The following KLF7 variants were observed in gnomAD, a reference collection of about 807,000 sequenced individuals.
KLF7 encodes the protein Krueppel-like factor 7.
In KLF7, 2 loss-of-function variants were observed where a neutral mutation model predicts 27.3. That is an observed-to-expected ratio of 0.07 (90% CI 0.03 to 0.23). The LOEUF (loss-of-function observed/expected upper bound fraction) is 0.23. Among genes scored for constraint, KLF7 ranks in the 10% least tolerant of loss-of-function variants. The pLI is 1.00. For missense variants in KLF7, 221 were observed against 394.1 expected (o/e 0.56, Z 3.72); for synonymous variants, 165 against 162.4 (o/e 1.02, Z -0.12).
At chr2:207,124,789 T>C (rs1454116275) in intron 1 of KLF7, among the ~76,000 whole-genome samples, 3 of 152,192 alleles carry the variant, frequency 2.0e-5, no homozygotes, top group Admixed American at 1.3e-4. Flanking sequence ...AAGGTTTTCA[T>C]ACTAAGACAA....
In KLF7 at chr2:207,081,042, G is replaced by A. The variant is rs535659917; in HGVS notation, c.*171C>T. ...GTGCATGACAGTGTGTATGTGTGTG[G>A]GTCTGTGAGTGTGTGTATATGTGTG... is the stretch of plus-strand genomic sequence containing the variant. On this transcript the variant is annotated 3_prime_UTR_variant, in exon 4 of 4. Coordinates refer to ENST00000309446, the MANE Select transcript of KLF7 (RefSeq NM_003709.4). 1.5e-6 allele frequency: 1 copy of A among 661,894 alleles called. No individual in the cohort carries two copies. Among genetic ancestry groups the A allele is most frequent in the East Asian group, 2.5e-5 (1 of 40,318 alleles). The allele number at this position is 661,894 out of a possible 1,614,324, so 41.0% of individuals were successfully genotyped here.
intron 2 of KLF7, among the ~76,000 whole-genome samples, chr2:207,119,423 A>AT (rs11411496): frequency 0.97 from 147,301 of 152,088 alleles, 71,493 homozygotes; most frequent in East Asian, 1. Context: ...AACTATTAAG[A>AT]TTTTTAAAAA....
rs993995080 is a variant in KLF7, at chr2:207,075,503, G to A, written c.*5710C>T. The A allele has an allele frequency of 3.3e-5, 5 of 152,068 alleles. No individual in the cohort carries two copies. The highest frequency in any genetic ancestry group is 1.2e-4 in the African/African-American group (5 of 41,396). The allele number at this position is 152,068 out of a possible 1,614,324, so 9.4% of individuals were successfully genotyped here. A position where few individuals can be genotyped will look rare whatever the true frequency, so the allele number is the denominator to read the frequency against. ...GAGGCGGGGAAGGAGACGGGGCTGG[G>A]AGTAGGTCTCTCCAAACACACTTGT... On this transcript the variant is annotated 3_prime_UTR_variant, in exon 4 of 4. Coordinates refer to ENST00000309446, the MANE Select transcript of KLF7 (RefSeq NM_003709.4).
chr2:207,155,376 C>T (rs1203201727), intron 1 of KLF7, among the ~76,000 whole-genome samples: 3 of 152,136 alleles, frequency 2.0e-5, no homozygotes, highest in African/African-American at 7.2e-5. Context: ...TGCTTTGCAG[C>T]CACAGTAAGA....
intron 1 of KLF7, among the ~76,000 whole-genome samples, chr2:207,141,697 G>GT (rs1321876145): frequency 6.6e-6 from 1 of 152,118 alleles, no homozygotes; most frequent in Non-Finnish European, 1.5e-5. Flanking sequence ...GTTAGAGTGC[G>GT]TGAGACAAGC....
At chr2:207,107,241 A>C (rs1191929148) in intron 2 of KLF7, among the ~76,000 whole-genome samples, 1 of 152,214 alleles carries the variant, frequency 6.6e-6, no homozygotes, top group South Asian at 2.1e-4. Context: ...ACAGCACCCC[A>C]CAGCTGCTGT....
chr2:207,131,156 G>A (rs552940649), intron 1 of KLF7, among the ~76,000 whole-genome samples: 1 of 152,312 alleles, frequency 6.6e-6, no homozygotes, highest in African/African-American at 2.4e-5. Context: ...GATCAGATCT[G>A]GATCTGAAGG....
chr2:207,159,709 C>G (rs1473332611), intron 1 of KLF7, among the ~76,000 whole-genome samples: 1 of 152,154 alleles, frequency 6.6e-6, no homozygotes, highest in African/African-American at 2.4e-5. Flanking sequence ...CCCCTGAAAT[C>G]AGAAGTCACT....
intron 1 of KLF7, among the ~76,000 whole-genome samples, chr2:207,152,786 C>T (rs1465494633): frequency 6.6e-6 from 1 of 152,130 alleles, no homozygotes; most frequent in African/African-American, 2.4e-5. Flanking sequence ...TAAAGCTTGT[C>T]CCCAAATCAG....
chr2:207,088,799 G>A (rs2076447053), intron 2 of KLF7, among the ~76,000 whole-genome samples: 1 of 152,036 alleles, frequency 6.6e-6, no homozygotes, highest in Non-Finnish European at 1.5e-5. Flanking sequence ...ACCTTCAAAA[G>A]TGGTTTCACC....
At chr2:207,154,358 T>C (rs1329293050) in intron 1 of KLF7, among the ~76,000 whole-genome samples, 1 of 152,100 alleles carries the variant, frequency 6.6e-6, no homozygotes, top group African/African-American at 2.4e-5. Flanking sequence ...TAAGTCAGAC[T>C]GGACAGAAAG....
Position 207,076,612 on chromosome 2 carries a change from A to C in KLF7, c.*4601T>G, listed in dbSNP as rs573781902. The C allele has an allele frequency of 6.6e-6, 1 of 152,278 alleles. No individual in the cohort carries two copies. The highest frequency in any genetic ancestry group is 2.4e-5 in the African/African-American group (1 of 41,552). 9.4% of individuals were successfully genotyped at this position (152,278 alleles called of 1,614,324 possible). On this transcript the variant is annotated 3_prime_UTR_variant, in exon 4 of 4. Coordinates refer to ENST00000309446, the MANE Select transcript of KLF7 (RefSeq NM_003709.4). ...CGTCGTGGGAGGTCACGTTATTTAC[A>C]AGAAGTTTCTGCTTCCTTTCACACA...
chr2:207,136,512 G>A (rs1024005404), intron 1 of KLF7, among the ~76,000 whole-genome samples: 1 of 152,216 alleles, frequency 6.6e-6, no homozygotes, highest in Non-Finnish European at 1.5e-5. Flanking sequence ...TCTTTGACCT[G>A]CCTAGAGAAA....
At chr2:207,137,068 CA>C (rs1214838219) in intron 1 of KLF7, among the ~76,000 whole-genome samples, 2 of 152,114 alleles carry the variant, frequency 1.3e-5, no homozygotes, top group African/African-American at 4.8e-5. Flanking sequence ...CTAACATGAA[CA>C]AAACCCACCC....
chr2:207,103,636 G>GAC (rs1034164721), intron 2 of KLF7, among the ~76,000 whole-genome samples: 11 of 152,226 alleles, frequency 7.2e-5, no homozygotes, highest in African/African-American at 1.9e-4. Context: ...CGGGAAAACA[G>GAC]ACACACACAC....
chr2:207,088,162 A>T (rs1277204067), intron 3 of KLF7, among the ~76,000 whole-genome samples: 1 of 152,202 alleles, frequency 6.6e-6, no homozygotes, highest in Non-Finnish European at 1.5e-5. Flanking sequence ...TTTTCATATT[A>T]TACTAAAGTT....
At chr2:207,092,334 T>G (rs907911588) in intron 2 of KLF7, among the ~76,000 whole-genome samples, 7 of 152,152 alleles carry the variant, frequency 4.6e-5, no homozygotes, top group African/African-American at 1.7e-4. Context: ...AGAGGGTGGG[T>G]GAGGCAGTGA....
upstream of KLF7, chr2:207,166,325 G>T: frequency 3.1e-6 from 1 of 327,764 alleles, no homozygotes; most frequent in Non-Finnish European, 4.4e-6. Flanking sequence ...CTTACAAGGC[G>T]GTGCGAGGCG....
At chr2:207,168,091 G>A (rs2078756461), upstream of KLF7, among the ~76,000 whole-genome samples, 6 of 151,986 alleles carry the variant, frequency 3.9e-5, no homozygotes, top group South Asian at 1.2e-3. Flanking sequence ...AAACACTAGG[G>A]CAAAAAACAT....
Sources: gnomAD v4.1 joint callset for allele counts (sites outside exome capture counted in the v4.1 genomes callset) on GRCh38, gnomAD v4.1.1 for gene constraint, MANE v1.5 for transcripts, NCBI Gene and HGNC (gene_info 2026-07-23, HGNC 2026-07-21) for gene names.